The following WDFY4 variants were observed in gnomAD, a reference collection of about 807,000 sequenced individuals.
The protein encoded by WDFY4 is WD repeat- and FYVE domain-containing protein 4.
A neutral mutation model predicts 351.9 loss-of-function variants in WDFY4; 169 were observed. The ratio of observed to expected loss-of-function variants is 0.48; its 90% CI spans 0.42 to 0.55. WDFY4 has a LOEUF of 0.55. Among genes scored for constraint, WDFY4 ranks in the 20% least tolerant of loss-of-function variants. WDFY4 has a pLI of 0.00. For missense variants in WDFY4, 3,803 were observed against 3,935.6 expected, an observed-to-expected ratio of 0.97 and a Z score of 0.90; for synonymous variants, 1,622 against 1,574.6, an observed-to-expected ratio of 1.03 and a Z score of -0.71.
At chr10:48,841,486 C>T (rs1403456763) in intron 39 of WDFY4, among the ~76,000 whole-genome samples, 2 of 151,806 alleles carry the variant, frequency 1.3e-5, no homozygotes, top group Non-Finnish European at 2.9e-5. Flanking sequence ...GGCAAATCTT[C>T]TAATGTATGT....
intron 32 of WDFY4, among the ~76,000 whole-genome samples, chr10:48,819,505 C>A (rs374618293): frequency 6.6e-6 from 1 of 152,122 alleles, no homozygotes; most frequent in Non-Finnish European, 1.5e-5. Flanking sequence ...CAGATGAATG[C>A]GCAGGAGAAG....
intron 3 of WDFY4, 36 bp from the exon 4 acceptor site, chr10:48,721,225 G>C: frequency 6.5e-7 from 1 of 1,544,700 alleles, no homozygotes; most frequent in Non-Finnish European, 8.8e-7. Context: ...GAGTGGGCAG[G>C]TCGCTGTATG....
At chr10:48,686,924 C>G (rs955316698) in intron 1 of WDFY4, among the ~76,000 whole-genome samples, 2 of 152,230 alleles carry the variant, frequency 1.3e-5, no homozygotes, top group East Asian at 3.9e-4. Context: ...ATATCGTCAG[C>G]CTTACTGGAT....
At chr10:48,826,255 C>T (rs878981163) in intron 35 of WDFY4, among the ~76,000 whole-genome samples, 1 of 152,150 alleles carries the variant, frequency 6.6e-6, no homozygotes, top group African/African-American at 2.4e-5. Flanking sequence ...TGTCGAAGAT[C>T]AGATGGTTGT....
At chr10:48,978,225 A>G in intron 59 of WDFY4, 84 bp from the exon 60 acceptor site, 1 of 1,384,136 alleles carries the variant, frequency 7.2e-7, no homozygotes, top group Non-Finnish European at 9.8e-7. Context: ...GGGGACCCCT[A>G]GGCGTGAGGA....
chr10:48,828,738 G>C (rs1368953101), intron 36 of WDFY4, 40 bp from the exon 37 acceptor site: 3 of 1,250,148 alleles, frequency 2.4e-6, no homozygotes, highest in East Asian at 2.6e-5. Context: ...AAGGAAACTG[G>C]AATTTATTGG....
intron 1 of WDFY4, among the ~76,000 whole-genome samples, chr10:48,696,464 C>T (rs764285703): frequency 3.9e-5 from 6 of 152,258 alleles, no homozygotes; most frequent in South Asian, 2.1e-4. Context: ...ATTGTGTCCT[C>T]GCCAGGGCCA....
intron 24 of WDFY4, among the ~76,000 whole-genome samples, chr10:48,800,678 C>T (rs1048083839): frequency 2.3e-5 from 2 of 85,480 alleles, no homozygotes; most frequent in African/African-American, 5.1e-5. Context: ...TGGTTTCTTT[C>T]TTTCTTTCTT....
Position 48,978,317 on chromosome 10 carries a change from G to T in WDFY4, c.9300G>T (p.Lys3100Asn). 6.4e-7 allele frequency: 1 copy of T among 1,551,346 alleles called. No homozygotes were observed. The highest frequency in any genetic ancestry group is 1.2e-5 in the South Asian group (1 of 84,026). Residue 3100 changes from lysine (K) to asparagine (N), a missense_variant, in exon 60 of 62, where the codon AAG becomes AAT. Lys to Asn is a moderately conservative substitution (Grantham distance 94). Around this residue, in one of 3 missense-constraint regions of WDFY4, gnomAD observed 3,054 missense variants for 3,148.6 expected, o/e 0.97. Transcript: ENST00000325239. ...TTGCTCTTTTGGGGCAGGTTTGGAA[G>T]ACTGAGGATGTGAAGATGTCTGTTC... The part of the protein sequence containing the change: ...GSQDGMVRVW[K>N]TEDVKMSVPG...
At chr10:48,907,736 T>C (rs1837693533) in intron 47 of WDFY4, among the ~76,000 whole-genome samples, 1 of 152,154 alleles carries the variant, frequency 6.6e-6, no homozygotes. Flanking sequence ...ATTCATGCCA[T>C]TGGCTACAGA....
At chr10:48,787,868 T>C (rs1248112722) in intron 20 of WDFY4, among the ~76,000 whole-genome samples, 6 of 104,094 alleles carry the variant, frequency 5.8e-5, no homozygotes, top group African/African-American at 3.4e-4. Context: ...TTTCTTCTTC[T>C]TTCTTCTTTC....
chr10:48,981,984 G>A (rs182210889), intron 61 of WDFY4, among the ~76,000 whole-genome samples: 2 of 152,288 alleles, frequency 1.3e-5, no homozygotes, highest in African/African-American at 4.8e-5. Flanking sequence ...TGTACACACT[G>A]CGAGGTGCAG....
intron 11 of WDFY4, 126 bp from the exon 12 acceptor site, chr10:48,742,842 C>T (rs1359998257): frequency 3.5e-6 from 3 of 849,302 alleles, no homozygotes; most frequent in Non-Finnish European, 5.3e-6. Context: ...AGTGATCCTT[C>T]CTGTAACTTG....
Position 48,787,904 on chromosome 10 carries a change from TTCTTCTTCTTCTTCTTCTTC to T in WDFY4, c.3809-624_3809-605del, listed in dbSNP as rs2066505249. Among the ~76,000 whole-genome samples, 10 of 29,436 alleles carry T rather than the reference TTCTTCTTCTTCTTCTTCTTC, an allele frequency of 3.4e-4. 2 individuals carry two copies. The highest frequency in any genetic ancestry group is 1.9e-3 in the African/African-American group (10 of 5,312). 19.3% of individuals were successfully genotyped at this position (29,436 alleles called of 152,430 possible). On this transcript the variant is annotated intron_variant, in intron 20 of 61. Coordinates refer to ENST00000325239, the MANE Select transcript of WDFY4 (RefSeq NM_001394531.1). ...TTTCTTCTTCTTCTCCTTCTTCTTC[TTCTTCTTCTTCTTCTTCTTC>T]TTCTTCTTCTTCTTCTTCTTCTTCT... is the stretch of plus-strand genomic sequence containing the variant.
chr10:48,889,698 G>C (rs2070612173), intron 43 of WDFY4, among the ~76,000 whole-genome samples: 1 of 152,184 alleles, frequency 6.6e-6, no homozygotes, highest in Non-Finnish European at 1.5e-5. Flanking sequence ...GCAGAACTCT[G>C]GGTCATACCA....
chr10:48,760,367 C>T lies in WDFY4; in HGVS notation c.2480C>T (p.Ala827Val). ...LEERMDEGDA[A>V]IMHPGVVCIM... is the part of the protein sequence containing the mutation. The stretch of plus-strand genomic sequence containing the variant: ...TGCAGGATGGATGAGGGAGATGCTG[C>T]AATCATGCATCCCGGGGTCGTGTGC... The change falls in exon 13 of 62, where the codon GCA (alanine) becomes GTA (valine). Residue 827 changes from alanine to valine, a missense_variant. Physicochemically the swap from Ala to Val is moderately conservative, Grantham distance 64. This residue lies in a region of WDFY4 where 3,054 missense variants were observed against 3,148.6 expected (regional missense o/e 0.97). Coordinates refer to ENST00000325239, the MANE Select transcript of WDFY4 (RefSeq NM_001394531.1). 1 of 1,551,648 alleles carries T rather than the reference C, an allele frequency of 6.4e-7. No homozygotes were observed. The highest frequency in any genetic ancestry group is 8.7e-7 in the Non-Finnish European group (1 of 1,146,988).
Position 48,879,971 on chromosome 10 carries a change from TC to T in WDFY4, c.7167+2775del, listed in dbSNP as rs140607878. Among the ~76,000 whole-genome samples the T allele has an allele frequency of 2.0e-3, 305 of 152,304 alleles. 5 individuals are homozygous for T. Among genetic ancestry groups the T allele is most frequent in the African/African-American group, 7.0e-3 (289 of 41,572 alleles). On this transcript the variant is annotated intron_variant, in intron 43 of 61. Coordinates refer to ENST00000325239, the MANE Select transcript of WDFY4 (RefSeq NM_001394531.1). ...AACTCACACATAATCCAGGGTCACA[TC>T]CCTGTTTTAAGGTCAGCTGATTCGT...
At position 48,904,528 on chromosome 10, in the gene WDFY4, A is replaced by G. The variant is rs939799512; in HGVS notation, c.7586+2665A>G. ...AGGCATGGCTGGACCGCTAGGCACA[A>G]GTAAGTCTGCAGGAAGTGGTGGCTC... On this transcript the variant is annotated intron_variant, in intron 47 of 61. Coordinates refer to ENST00000325239, the MANE Select transcript of WDFY4 (RefSeq NM_001394531.1). Among the ~76,000 whole-genome samples, 3 of 152,182 alleles carry G rather than the reference A, an allele frequency of 2.0e-5. 1 individual carries two copies. The highest frequency in any genetic ancestry group is 6.5e-5 in the Admixed American group (1 of 15,280).
At position 48,725,776 on chromosome 10, in the gene WDFY4, C is replaced by T. The variant is rs2064247936; in HGVS notation, c.592-105C>T. The T allele has an allele frequency of 2.5e-6, 3 of 1,190,276 alleles. No individual in the cohort carries two copies. The South Asian group carries it at 4.5e-5, about 18-fold the overall frequency. The allele number at this position is 1,190,276 out of a possible 1,614,324, so 73.7% of individuals were successfully genotyped here. A position where few individuals can be genotyped will look rare whatever the true frequency, so the allele number is the denominator to read the frequency against. On this transcript the variant is annotated intron_variant, in intron 5 of 61. Transcript: ENST00000325239. ...ACCCCATTCAATCCTGTCCTTCTCA[C>T]AGAGACATGCTCATCAGTGCTCCAG...
Sources: allele counts gnomAD v4.1 joint callset (sites outside exome capture counted in the v4.1 genomes callset), GRCh38; gene constraint gnomAD v4.1.1; regional missense constraint gnomAD v4.1.1; transcripts MANE v1.5; gene names NCBI Gene and HGNC (gene_info 2026-07-23, HGNC 2026-07-21).